CCSER1: variants seen among roughly 807,000 people sequenced by gnomAD.
CCSER1 encodes the protein coiled-coil serine rich protein 1.
CCSER1 carries 41 observed loss-of-function variants against 82.0 expected under a neutral mutation model. That is an observed-to-expected ratio of 0.50 (90% CI 0.39 to 0.65). The LOEUF (loss-of-function observed/expected upper bound fraction) is 0.65. Among genes scored for constraint, CCSER1 ranks in the 30% least tolerant of loss-of-function variants. CCSER1 has a pLI of 0.00. For missense variants in CCSER1, 1,119 were observed against 1,064.2 expected (o/e 1.05, Z -0.72); for synonymous variants, 414 against 383.9 (o/e 1.08, Z -0.92).
At chr4:90,898,608 G>A (rs1440097725) in intron 8 of CCSER1, among the ~76,000 whole-genome samples, 4 of 151,672 alleles carry the variant, frequency 2.6e-5, no homozygotes, top group South Asian at 2.1e-4. Flanking sequence ...AATCTGTCTT[G>A]AGTTAATTTT....
At chr4:91,062,238 G>T (rs563615789) in intron 9 of CCSER1, among the ~76,000 whole-genome samples, 47 of 152,102 alleles carry the variant, frequency 3.1e-4, no homozygotes, top group African/African-American at 1.1e-3. Context: ...AGCCCTAAAA[G>T]GGATCAGTTT....
At chr4:91,283,525 C>G (rs1209401366) in intron 10 of CCSER1, among the ~76,000 whole-genome samples, 1 of 152,100 alleles carries the variant, frequency 6.6e-6, no homozygotes, top group Non-Finnish European at 1.5e-5. Context: ...GTGTGTTCTA[C>G]TTTTCACAAA....
rs1772181100 is a variant in CCSER1, at chr4:90,515,784, TTGTTATA to T, written c.1724+47434_1724+47440del. 2.0e-5 allele frequency among the ~76,000 whole-genome samples: 3 copies of T among 152,274 alleles called. No individual in the cohort carries two copies. The South Asian group carries it at 6.2e-4, about 32-fold the overall frequency. On this transcript the variant is annotated intron_variant, in intron 5 of 10. Transcript: ENST00000509176. ...TGAGTAACTTGGTTAAGGTCACAAA[TTGTTATA>T]TGTCAGAACTAGGATTCAAACCCTA... is the stretch of plus-strand genomic sequence containing the variant.
chr4:90,681,975 C>G (rs1273986522), intron 6 of CCSER1, among the ~76,000 whole-genome samples: 1 of 151,688 alleles, frequency 6.6e-6, no homozygotes. Context: ...CTCTACTTGT[C>G]CACTATTTCT....
chr4:91,000,404 T>C (rs535269367), intron 9 of CCSER1, among the ~76,000 whole-genome samples: 1 of 151,266 alleles, frequency 6.6e-6, no homozygotes, highest in South Asian at 2.1e-4. Flanking sequence ...TTGGCTATTC[T>C]TGGCTCTTTG....
chr4:91,381,526 T>A (rs901534887), intron 10 of CCSER1, among the ~76,000 whole-genome samples: 3 of 152,236 alleles, frequency 2.0e-5, no homozygotes, highest in Non-Finnish European at 1.5e-5. Context: ...TTTCTTCCCA[T>A]TGATCAAATC....
intron 5 of CCSER1, among the ~76,000 whole-genome samples, chr4:90,562,289 G>A (rs1778863952): frequency 6.6e-6 from 1 of 151,636 alleles, no homozygotes; most frequent in Non-Finnish European, 1.5e-5. Context: ...CCGTTCTTCA[G>A]CATGTTAGTC....
chr4:90,193,668 C>T (rs997329149), intron 1 of CCSER1, among the ~76,000 whole-genome samples: 1 of 151,492 alleles, frequency 6.6e-6, no homozygotes, highest in Non-Finnish European at 1.5e-5. Flanking sequence ...TACATGATAA[C>T]ACTAATATTC....
chr4:90,912,640 A>G (rs1331430570), intron 8 of CCSER1, among the ~76,000 whole-genome samples: 1 of 152,232 alleles, frequency 6.6e-6, no homozygotes, highest in East Asian at 1.9e-4. Flanking sequence ...TGGACGGAGA[A>G]CGACATTGAC....
At chr4:91,573,992 T>C (rs1225866262) in intron 10 of CCSER1, among the ~76,000 whole-genome samples, 1 of 152,026 alleles carries the variant, frequency 6.6e-6, no homozygotes, top group African/African-American at 2.4e-5. Flanking sequence ...CCATAAAACA[T>C]TGATGAGAGA....
intron 1 of CCSER1, among the ~76,000 whole-genome samples, chr4:90,287,079 C>T (rs1225582283): frequency 6.6e-6 from 1 of 151,680 alleles, no homozygotes; most frequent in Non-Finnish European, 1.5e-5. Context: ...GGTTTTATGA[C>T]TGCTTTACTT....
intron 8 of CCSER1, among the ~76,000 whole-genome samples, chr4:90,922,397 C>T (rs905364563): frequency 6.6e-6 from 1 of 151,868 alleles, no homozygotes; most frequent in Non-Finnish European, 1.5e-5. Context: ...TCTTGATAAC[C>T]ATTGTCAATC....
intron 10 of CCSER1, among the ~76,000 whole-genome samples, chr4:91,164,488 T>A (rs994491155): frequency 1.3e-5 from 2 of 152,170 alleles, no homozygotes; most frequent in Admixed American, 1.3e-4. Flanking sequence ...CCTTGCTAGG[T>A]TGGGGAAGTT....
At chr4:91,409,147 G>C (rs377510011) in intron 10 of CCSER1, among the ~76,000 whole-genome samples, 1 of 152,312 alleles carries the variant, frequency 6.6e-6, no homozygotes, top group African/African-American at 2.4e-5. Flanking sequence ...ATTTACAATA[G>C]TGAATCTCAG....
At chr4:90,518,751 G>T (rs1772644067) in intron 5 of CCSER1, among the ~76,000 whole-genome samples, 1 of 151,686 alleles carries the variant, frequency 6.6e-6, no homozygotes, top group Non-Finnish European at 1.5e-5. Flanking sequence ...AATCATCTAT[G>T]CATTATTAAT....
chr4:90,808,637 A>T (rs1757833378), intron 7 of CCSER1, among the ~76,000 whole-genome samples: 1 of 152,202 alleles, frequency 6.6e-6, no homozygotes, highest in Admixed American at 6.5e-5. Context: ...CATATGAAAA[A>T]ATGCTCAACA....
intron 8 of CCSER1, among the ~76,000 whole-genome samples, chr4:90,836,797 T>G (rs1761861899): frequency 6.6e-6 from 1 of 152,196 alleles, no homozygotes; most frequent in African/African-American, 2.4e-5. Flanking sequence ...CCCCTAACTT[T>G]GACTCCAAGG....
At chr4:91,325,661 G>A (rs1265192083) in intron 10 of CCSER1, among the ~76,000 whole-genome samples, 3 of 152,124 alleles carry the variant, frequency 2.0e-5, no homozygotes, top group Admixed American at 2.0e-4. Flanking sequence ...CTTCCAATAC[G>A]GCACAAAGCT....
Position 91,013,548 on chromosome 4 carries a change from A to ATT in CCSER1, c.2173-72396_2173-72395dup, listed in dbSNP as rs1445883499. ...TTTCTCAAGACATATATATATATAT[A>ATT]TTTTTTTGCTAGTCTGTCTGTTTCC... On this transcript the variant is annotated intron_variant, in intron 9 of 10. Transcript: ENST00000509176. 6.7e-4 allele frequency among the ~76,000 whole-genome samples: 84 copies of ATT among 125,440 alleles called. 9 individuals are homozygous for ATT. The highest frequency in any genetic ancestry group is 8.3e-3 in the Middle Eastern group (2 of 240). The allele number at this position is 125,440 out of a possible 152,430, so 82.3% of individuals were successfully genotyped here.
Sources: gnomAD v4.1 joint callset for allele counts (sites outside exome capture counted in the v4.1 genomes callset) on GRCh38, gnomAD v4.1.1 for gene constraint, MANE v1.5 for transcripts, NCBI Gene and HGNC (gene_info 2026-07-23, HGNC 2026-07-21) for gene names.